The following PABPC1 variants were observed in gnomAD, a reference collection of about 807,000 sequenced individuals.
PABPC1 encodes the protein polyadenylate-binding protein 1.
PABPC1 carries 4 observed loss-of-function variants against 74.0 expected under a neutral mutation model. The ratio of observed to expected loss-of-function variants is 0.05; its 90% CI spans 0.03 to 0.12. PABPC1 has a LOEUF of 0.12. PABPC1 is among the 10% of genes least tolerant of loss of function. The probability of loss-of-function intolerance (pLI) is 1.00; values close to 1 mark genes in which losing one functional copy is unlikely to be tolerated. For missense variants in PABPC1, 271 were observed against 821.1 expected (o/e 0.33, Z 8.19); for synonymous variants, 227 against 264.1 (o/e 0.86, Z 1.36).
intron 1 of PABPC1, 22 bp from the exon 2 acceptor site, chr8:100,718,302 A>G (rs1420362986): frequency 2.5e-6 from 4 of 1,595,034 alleles, no homozygotes; most frequent in Non-Finnish European, 3.4e-6. Flanking sequence ...ACATTTTCAG[A>G]GTCAATATTA....
intron 3 of PABPC1, among the ~76,000 whole-genome samples, chr8:100,717,432 A>T (rs1810700098): frequency 6.6e-6 from 1 of 152,220 alleles, no homozygotes; most frequent in Admixed American, 6.5e-5. Context: ...GTTTGTCTGA[A>T]TTCCTGATTT....
chr8:100,704,795 T>C (rs1810338776), intron 13 of PABPC1, 131 bp downstream of exon 13: 8 of 913,556 alleles, frequency 8.8e-6, no homozygotes, highest in Non-Finnish European at 1.3e-5. Flanking sequence ...GCGCCACAGG[T>C]TATTATGCAG....
At chr8:100,717,973 T>G (rs1021713006) in intron 2 of PABPC1, 85 bp from the exon 3 acceptor site, 6 of 1,337,934 alleles carry the variant, frequency 4.5e-6, no homozygotes, top group Non-Finnish European at 6.4e-6. Context: ...GTTAGCCATC[T>G]AACCTGGATA....
intron 7 of PABPC1, among the ~76,000 whole-genome samples, chr8:100,710,453 A>G (rs1298305607): frequency 1.3e-5 from 2 of 152,230 alleles, no homozygotes; most frequent in African/African-American, 2.4e-5. Context: ...TCACTGTGCT[A>G]AAGTTAACAT....
intron 5 of PABPC1, 26 bp downstream of exon 5, chr8:100,713,061 C>A: frequency 6.6e-7 from 1 of 1,512,974 alleles, no homozygotes; most frequent in Non-Finnish European, 9.1e-7. Flanking sequence ...GTACCCCCTT[C>A]TTCCTGCTGA....
At chr8:100,715,394 A>G (rs1810643437) in intron 4 of PABPC1, 68 bp downstream of exon 4, 3 of 1,334,802 alleles carry the variant, frequency 2.2e-6, no homozygotes, top group Non-Finnish European at 3.1e-6. Flanking sequence ...GTATAAAGTA[A>G]TAGCTAAAAT....
chr8:100,704,852 T>G, intron 13 of PABPC1, 74 bp downstream of exon 13: 1 of 1,427,728 alleles, frequency 7.0e-7, no homozygotes, highest in Admixed American at 1.8e-5. Context: ...GTAAGTGTTC[T>G]GTACAATTAA....
rs551805859 is a variant in PABPC1, at chr8:100,711,276, T to A, written c.972+1086A>T. ...GCCCAGGCGAGAGTGAGACTCGTCT[T>A]TAAAAAAGACAAAAAAAAAACACCT... On this transcript the variant is annotated intron_variant, in intron 7 of 14. Transcript: ENST00000318607. 3.9e-5 allele frequency among the ~76,000 whole-genome samples: 6 copies of A among 152,084 alleles called. No homozygotes were observed. In the South Asian group the frequency reaches 1.2e-3, roughly 32 times the overall value.
Position 100,721,251 on chromosome 8 carries a change from G to A in PABPC1, c.193+140C>T, listed in dbSNP as rs991380789. 9.1e-5 allele frequency: 24 copies of A among 263,696 alleles called. No individual in the cohort carries two copies. Among genetic ancestry groups the A allele is most frequent in the African/African-American group, 5.3e-4 (23 of 43,334 alleles). The allele number at this position is 263,696 out of a possible 1,614,324, so 16.3% of individuals were successfully genotyped here. A position where few individuals can be genotyped will look rare whatever the true frequency, so the allele number is the denominator to read the frequency against. On this transcript the variant is annotated intron_variant, in intron 1 of 14. Transcript: ENST00000318607. The surrounding 1 kb of genome is among the most constrained non-coding windows in gnomAD (Gnocchi z 7.4). ...CGGGAAACGCGGCTCCAGGGACCCC[G>A]GCGCCTTCCCGCCGGCCGTCGCGGG...
chr8:100,704,251 A>G, intron 14 of PABPC1, 46 bp downstream of exon 14: 1 of 1,390,466 alleles, frequency 7.2e-7, no homozygotes, highest in Middle Eastern at 1.8e-4. Flanking sequence ...TTTATAAAAG[A>G]TGAAGAAAAC....
At chr8:100,717,655 A>G in intron 3 of PABPC1, 118 bp downstream of exon 3, 1 of 636,204 alleles carries the variant, frequency 1.6e-6, no homozygotes, top group Non-Finnish European at 2.7e-6. Flanking sequence ...AAATGTTTTT[A>G]TTCTTTTATC....
rs189281419 is a variant in PABPC1, at chr8:100,721,057, C to T, written c.193+334G>A. Reference sequence around the variant, plus strand: ...ACGGAAGGAGCTCAGCGTTCAACGCCCCAGAATCCCGGGGCCACTGGCGGG... The same window carrying T: ...ACGGAAGGAGCTCAGCGTTCAACGCTCCAGAATCCCGGGGCCACTGGCGGG... On this transcript the variant is annotated intron_variant, in intron 1 of 14. Transcript: ENST00000318607. This position sits in a 1 kb window ranked among gnomAD's most constrained non-coding sequence, Gnocchi z 7.4. Among the ~76,000 whole-genome samples, 745 of 152,326 alleles carry T rather than the reference C, an allele frequency of 4.9e-3. 2 individuals are homozygous for T. Among genetic ancestry groups the T allele is most frequent in the Admixed American group, 0.011 (173 of 15,308 alleles).
At chr8:100,715,073 T>C (rs1433652318) in intron 4 of PABPC1, among the ~76,000 whole-genome samples, 4 of 151,912 alleles carry the variant, frequency 2.6e-5, no homozygotes, top group Admixed American at 2.6e-4. Flanking sequence ...CATTCCACTG[T>C]AGGCTGGCTG....
At chr8:100,713,907 A>G (rs903482276) in intron 4 of PABPC1, among the ~76,000 whole-genome samples, 2 of 136,512 alleles carry the variant, frequency 1.5e-5, no homozygotes, top group African/African-American at 3.1e-5. Context: ...TAGGTAATAC[A>G]GGAATTTGAA....
Position 100,715,608 on chromosome 8 carries a change from A to C in PABPC1, c.504-7T>G. ...CTTAAATCGTCCAACAAATCTAATA[A>C]GATATACAAGGACTATAACATTAGA... On this transcript the variant is annotated splice_region_variant and splice_polypyrimidine_tract_variant and intron_variant, in intron 3 of 14. Coordinates refer to ENST00000318607, the MANE Select transcript of PABPC1 (RefSeq NM_002568.4). 1 of 1,596,398 alleles carries C rather than the reference A, an allele frequency of 6.3e-7. No homozygotes were observed. Among genetic ancestry groups the C allele is most frequent in the Non-Finnish European group, 8.6e-7 (1 of 1,166,808 alleles).
chr8:100,705,455 T>G, intron 12 of PABPC1, 134 bp downstream of exon 12: 1 of 722,412 alleles, frequency 1.4e-6, no homozygotes, highest in East Asian at 2.7e-5. Context: ...GCAGACCAAC[T>G]GTACTATCAT....
In PABPC1 at chr8:100,704,482, A is replaced by G. The variant is rs185436240; in HGVS notation, c.1819-92T>C. 8.6e-3 allele frequency: 9,146 copies of G among 1,067,222 alleles called. 60 individuals are homozygous for G. The highest frequency in any genetic ancestry group is 0.011 in the Non-Finnish European group (7,394 of 692,572). 66.1% of individuals were successfully genotyped at this position (1,067,222 alleles called of 1,614,324 possible). ...AACATACCAATTCCCAACAAAGATA[A>G]GTTTCTTCCCTCAAATGAAAGTATA... On this transcript the variant is annotated intron_variant, in intron 13 of 14. Transcript: ENST00000318607.
At chr8:100,712,518 G>T in intron 6 of PABPC1, 61 bp from the exon 7 acceptor site, 1 of 1,452,806 alleles carries the variant, frequency 6.9e-7, no homozygotes, top group Non-Finnish European at 9.4e-7. Flanking sequence ...AAGTACATCG[G>T]GTCTATTATT....
At chr8:100,710,003 G>A (rs533615474) in intron 7 of PABPC1, among the ~76,000 whole-genome samples, 1 of 152,262 alleles carries the variant, frequency 6.6e-6, no homozygotes, top group South Asian at 2.1e-4. Flanking sequence ...TACTGAATTT[G>A]ATTGGATTTT....
Sources: allele counts gnomAD v4.1 joint callset (sites outside exome capture counted in the v4.1 genomes callset), GRCh38; gene constraint gnomAD v4.1.1; non-coding constraint Gnocchi (gnomAD v3.1); transcripts MANE v1.5; gene names NCBI Gene and HGNC (gene_info 2026-07-23, HGNC 2026-07-21).